The following CEP63 variants were observed in gnomAD, a reference collection of about 807,000 sequenced individuals.
CEP63 encodes centrosomal protein 63.
A neutral mutation model predicts 89.1 loss-of-function variants in CEP63; 84 were observed. That is an observed-to-expected ratio of 0.94 (90% CI 0.79 to 1.13). The LOEUF (loss-of-function observed/expected upper bound fraction) is 1.13, where lower values mean the gene tolerates loss of function less well. CEP63 is among the 50% of genes most tolerant of loss of function. The pLI is 0.00. For synonymous variants in CEP63, 267 were observed against 272.5 expected (o/e 0.98, Z 0.20); for missense variants, 838 against 813.3 (o/e 1.03, Z -0.37).
the CEP63 span, among the ~76,000 whole-genome samples, chr3:134,703,010 A>G: frequency 6.6e-6 from 1 of 152,158 alleles, no homozygotes; most frequent in African/African-American, 2.4e-5. Flanking sequence ...AAAAAGATAC[A>G]TGTGGCCGAG....
At chr3:134,532,306 G>A (rs1950000402) in intron 4 of CEP63, among the ~76,000 whole-genome samples, 1 of 151,950 alleles carries the variant, frequency 6.6e-6, no homozygotes, top group Admixed American at 6.6e-5. Flanking sequence ...AAACATTTTG[G>A]GATAAATAAG....
At chr3:134,657,069 C>A in the CEP63 span, among the ~76,000 whole-genome samples, 46 of 152,138 alleles carry the variant, frequency 3.0e-4, no homozygotes, top group African/African-American at 8.4e-4. Flanking sequence ...CAAAGACATA[C>A]CTGAAACTGG....
At chr3:134,725,467 G>A in the CEP63 span, among the ~76,000 whole-genome samples, 1 of 152,068 alleles carries the variant, frequency 6.6e-6, no homozygotes, top group Non-Finnish European at 1.5e-5. Flanking sequence ...AAGGGGCAGG[G>A]CCACCCAACC....
intron 1 of CEP63, among the ~76,000 whole-genome samples, chr3:134,490,115 T>A (rs909199522): frequency 6.6e-6 from 1 of 152,194 alleles, no homozygotes; most frequent in Non-Finnish European, 1.5e-5. Context: ...GGGAGAGGTG[T>A]TCTTGCTACT....
the CEP63 span, among the ~76,000 whole-genome samples, chr3:134,735,576 A>C: frequency 6.6e-6 from 1 of 152,138 alleles, no homozygotes. Context: ...GTAGAGCATC[A>C]CCTTGTTCAA....
the CEP63 span, among the ~76,000 whole-genome samples, chr3:134,655,587 A>G: frequency 6.6e-6 from 1 of 152,122 alleles, no homozygotes; most frequent in African/African-American, 2.4e-5. Flanking sequence ...GGGACACCCA[A>G]CCCTTGACAC....
chr3:134,554,751 T>C (rs1229149773), intron 12 of CEP63, among the ~76,000 whole-genome samples: 2 of 152,200 alleles, frequency 1.3e-5, no homozygotes, highest in Non-Finnish European at 2.9e-5. Context: ...ACCTGTTGTT[T>C]CCTGACTTTT....
At chr3:134,619,526 C>T in the CEP63 span, among the ~76,000 whole-genome samples, 6 of 152,246 alleles carry the variant, frequency 3.9e-5, no homozygotes, top group African/African-American at 1.4e-4. Context: ...GGGACCAGGA[C>T]AGTGCAGAGG....
rs1957390343 is a variant in CEP63 at position 134,561,994 on chromosome 3, A to T, written c.*459A>T. 9.8e-7 allele frequency: 1 copy of T among 1,016,204 alleles called. No homozygotes were observed. Among genetic ancestry groups the T allele is most frequent in the Non-Finnish European group, 1.2e-6 (1 of 848,760 alleles). 62.9% of individuals were successfully genotyped at this position (1,016,204 alleles called of 1,614,324 possible). ...CACTTACCAGCCAACGGGGCTTGTT[A>T]TTTACTGGGCTGGTAGCCCCTCCTA... is the stretch of plus-strand genomic sequence containing the variant. On this transcript the variant is annotated 3_prime_UTR_variant, in exon 15 of 15. Transcript: ENST00000675561.
the CEP63 span, among the ~76,000 whole-genome samples, chr3:134,593,785 C>T: frequency 1.3e-5 from 2 of 152,376 alleles, no homozygotes; most frequent in South Asian, 4.1e-4. Flanking sequence ...GACTTTAACA[C>T]TCTTGTTGAG....
At chr3:134,761,085 A>G in the CEP63 span, among the ~76,000 whole-genome samples, 1 of 151,960 alleles carries the variant, frequency 6.6e-6, no homozygotes, top group African/African-American at 2.4e-5. Flanking sequence ...GGACAAAACC[A>G]CTTCAGCTTT....
the CEP63 span, among the ~76,000 whole-genome samples, chr3:134,612,735 C>CA: frequency 6.7e-6 from 1 of 149,002 alleles, no homozygotes; most frequent in Non-Finnish European, 1.5e-5. Context: ...CCAGTCAGCA[C>CA]AATGTCACGC....
the CEP63 span, among the ~76,000 whole-genome samples, chr3:134,708,908 G>C: frequency 5.0e-3 from 763 of 152,032 alleles, 12 homozygotes; most frequent in Non-Finnish European, 4.4e-3. Context: ...GTGGGGGTGG[G>C]GGAAGATTAT....
At chr3:134,525,622 G>A (rs1264370480) in intron 3 of CEP63, among the ~76,000 whole-genome samples, 1 of 152,138 alleles carries the variant, frequency 6.6e-6, no homozygotes, top group East Asian at 1.9e-4. Flanking sequence ...TAGTATCACT[G>A]GTCTGTGTAC....
At chr3:134,645,552 C>G in the CEP63 span, among the ~76,000 whole-genome samples, 1 of 152,340 alleles carries the variant, frequency 6.6e-6, no homozygotes, top group East Asian at 1.9e-4. Context: ...AGAATCTCGA[C>G]ATCAGAAAAC....
chr3:134,663,924 C>T, the CEP63 span, among the ~76,000 whole-genome samples: 1 of 152,212 alleles, frequency 6.6e-6, no homozygotes, highest in Non-Finnish European at 1.5e-5. Flanking sequence ...ATCCTGTCCT[C>T]CCTACAGCCA....
At chr3:134,547,627 T>TTTTTTTTTTTTTTTTTTTTTTTTTTTC (rs1953790874) in intron 9 of CEP63, among the ~76,000 whole-genome samples, 155 bp downstream of exon 9, 1 of 124,796 alleles carries the variant, frequency 8.0e-6, no homozygotes, top group Non-Finnish European at 1.7e-5. Context: ...TTTTTTTTTT[T>TTTTTTTTTTTTTTTTTTTTTTTTTTTC]TTGAGACGGA....
chr3:134,730,277 T>C, the CEP63 span, among the ~76,000 whole-genome samples: 1 of 152,214 alleles, frequency 6.6e-6, no homozygotes, highest in Non-Finnish European at 1.5e-5. Flanking sequence ...CCAGCATCCA[T>C]TCTTGCTTGG....
downstream of CEP63, among the ~76,000 whole-genome samples, chr3:134,566,837 A>C (rs1957781609): frequency 6.6e-6 from 1 of 152,234 alleles, no homozygotes; most frequent in African/African-American, 2.4e-5. Context: ...GGGAATGTAA[A>C]ATAGTGCAGT....
Sources: allele counts gnomAD v4.1 joint callset (sites outside exome capture counted in the v4.1 genomes callset), GRCh38; gene constraint gnomAD v4.1.1; transcripts MANE v1.5; gene names NCBI Gene and HGNC (gene_info 2026-07-23, HGNC 2026-07-21).